The following DYTN variants were observed in gnomAD, a reference collection of about 807,000 sequenced individuals.
The protein encoded by DYTN is dystrotelin.
DYTN carries 75 observed loss-of-function variants against 69.6 expected under a neutral mutation model. That is an observed-to-expected ratio of 1.08 (90% confidence interval 0.89 to 1.31). DYTN has a LOEUF of 1.31. Among genes scored for constraint, DYTN ranks in the 50% most tolerant of loss-of-function variants. DYTN has a pLI of 0.00. For synonymous variants in DYTN, 252 were observed against 249.1 expected, an observed-to-expected ratio of 1.01 and a Z score of -0.11; for missense variants, 726 against 688.4, an observed-to-expected ratio of 1.05 and a Z score of -0.61.
At chr2:206,657,003 C>A (rs1004782572) in intron 11 of DYTN, among the ~76,000 whole-genome samples, 1 of 146,112 alleles carries the variant, frequency 6.8e-6, no homozygotes, top group African/African-American at 2.4e-5. Context: ...CTCAGGTGAT[C>A]CGCCCACCTC....
chr2:206,659,162 CTCTTT>C lies in DYTN; in HGVS notation c.1633+3736_1633+3740del, dbSNP rs1290280040. Among the ~76,000 whole-genome samples, 32 of 123,512 alleles carry C rather than the reference CTCTTT, an allele frequency of 2.6e-4. 1 individual carries two copies. The highest frequency in any genetic ancestry group is 3.8e-4 in the Non-Finnish European group (23 of 61,148). 81.0% of individuals were successfully genotyped at this position (123,512 alleles called of 152,430 possible). ...CTCTTTTCCGTTAAGTTCTCACAGT[CTCTTT>C]TTTTTTTTTTTTTTTTTTTTTTGAG... is the stretch of plus-strand genomic sequence containing the variant. On this transcript the variant is annotated intron_variant, in intron 11 of 11. Coordinates refer to ENST00000452335, the MANE Select transcript of DYTN (RefSeq NM_001093730.1).
At chr2:206,703,672 C>A (rs944258942) in intron 5 of DYTN, among the ~76,000 whole-genome samples, 2 of 152,102 alleles carry the variant, frequency 1.3e-5, no homozygotes, top group Non-Finnish European at 2.9e-5. Flanking sequence ...ATCCATACTC[C>A]CTGTCCTAGA....
rs1559317803 is a variant in DYTN at position 206,707,293 on chromosome 2, CACCCTCACCTGTTGT to C, written c.290_296+8del. The C allele has an allele frequency of 6.2e-7, 1 of 1,610,116 alleles. No homozygotes were observed. The highest frequency in any genetic ancestry group is 8.5e-7 in the Non-Finnish European group (1 of 1,178,432). On this transcript the variant is annotated splice_donor_variant and splice_donor_5th_base_variant and coding_sequence_variant and intron_variant, in exon 3 of 12. Transcript: ENST00000452335. LOFTEE classifies it high-confidence loss of function. ...CTTTGAGGTCACAGCGCGACGTCCA[CACCCTCACCTGTTGT>C]ACATTGTCGTGAGAAGGCTCAGAGT...
intron 2 of DYTN, among the ~76,000 whole-genome samples, chr2:206,708,109 A>G (rs1328593122): frequency 8.5e-5 from 13 of 152,212 alleles, no homozygotes. Context: ...TTCCATCAGT[A>G]TTATTATCTA....
At chr2:206,655,062 G>GA (rs899312765) in intron 11 of DYTN, among the ~76,000 whole-genome samples, 2 of 152,066 alleles carry the variant, frequency 1.3e-5, no homozygotes, top group Non-Finnish European at 2.9e-5. Context: ...TGATCTTAAA[G>GA]AAAAAAACTT....
In DYTN at chr2:206,700,246, A is replaced by G. The variant is rs533191592; in HGVS notation, c.484-30T>C. On this transcript the variant is annotated intron_variant, in intron 5 of 11. Coordinates refer to ENST00000452335, the MANE Select transcript of DYTN (RefSeq NM_001093730.1). ...AAGAGACAACCTCATCTTAGCTGTT[A>G]GAAAGTGGAGAAATATGTCGTCTCC... 21 of 1,611,768 alleles carry G rather than the reference A, an allele frequency of 1.3e-5. No individual in the cohort carries two copies. The South Asian group carries it at 2.2e-4, about 17-fold the overall frequency.
intron 2 of DYTN, among the ~76,000 whole-genome samples, chr2:206,709,441 C>A (rs558523221): frequency 2.8e-4 from 42 of 151,416 alleles, no homozygotes; most frequent in African/African-American, 9.7e-4. Flanking sequence ...AGAGTGAGAC[C>A]CCAGCTTACA....
intron 7 of DYTN, among the ~76,000 whole-genome samples, chr2:206,699,522 G>A (rs1559315530): frequency 6.6e-6 from 1 of 152,174 alleles, no homozygotes; most frequent in Non-Finnish European, 1.5e-5. Flanking sequence ...GTCAGTGGAA[G>A]AATTTAATAT....
chr2:206,694,872 C>A lies in DYTN; in HGVS notation c.725G>T (p.Arg242Leu), dbSNP rs183705947. 2.5e-6 allele frequency: 4 copies of A among 1,573,754 alleles called. No individual in the cohort carries two copies. The highest frequency in any genetic ancestry group is 3.4e-6 in the Non-Finnish European group (4 of 1,163,910). The change falls in exon 8 of 12, where the codon CGC (arginine) becomes CTC (leucine). Residue 242 changes from arginine to leucine, a missense_variant. By Grantham distance (102) the Arg-to-Leu change is moderately radical. Transcript: ENST00000452335. ...GTCAAAGTTGAGACACTTCAGACAG[C>A]GGTATCTGCCAGTTAAAATAGAAGC... ...RTFPITGLRYRCLKCLNFDIC... is the reference protein window; with the variant it reads ...RTFPITGLRYLCLKCLNFDIC...
chr2:206,699,879 T>A lies in DYTN; in HGVS notation c.567A>T (p.Pro189=), dbSNP rs773347431. 1.9e-5 allele frequency: 30 copies of A among 1,613,194 alleles called. No individual in the cohort carries two copies. Among genetic ancestry groups the A allele is most frequent in the Non-Finnish European group, 2.5e-5 (30 of 1,179,582 alleles). Residue 189 remains proline, a synonymous_variant, in exon 7 of 12, where the codon CCA becomes CCT. Coordinates refer to ENST00000452335, the MANE Select transcript of DYTN (RefSeq NM_001093730.1). ...ACAGGAATTTTTCTTCTTTGATTGCTGGGCTCAACACCTGAAAAACAATGG... is the reference window on the plus strand; with the variant it reads ...ACAGGAATTTTTCTTCTTTGATTGCAGGGCTCAACACCTGAAAAACAATGG... ...TRSCFQGVLS[P]AIKEEKFLSW... is the part of the protein sequence containing the mutation.
At chr2:206,704,214 T>G (rs1473348782) in intron 5 of DYTN, among the ~76,000 whole-genome samples, 1 of 152,110 alleles carries the variant, frequency 6.6e-6, no homozygotes, top group Admixed American at 6.6e-5. Flanking sequence ...CTACCATAAT[T>G]TGACAAGTGC....
intron 8 of DYTN, 72 bp from the exon 9 acceptor site, chr2:206,693,395 G>A (rs1368140693): frequency 1.3e-6 from 2 of 1,517,758 alleles, no homozygotes; most frequent in African/African-American, 1.4e-5. Context: ...TTACTTGGAT[G>A]GACTGGCCAC....
intron 9 of DYTN, among the ~76,000 whole-genome samples, chr2:206,683,200 A>T (rs34595192): frequency 0.059 from 8,998 of 152,232 alleles, 371 homozygotes; most frequent in Non-Finnish European, 0.079. Flanking sequence ...TTCTCAACAT[A>T]GCAACCAGAC....
At chr2:206,669,559 A>G (rs557286629) in intron 9 of DYTN, among the ~76,000 whole-genome samples, 1 of 152,358 alleles carries the variant, frequency 6.6e-6, no homozygotes, top group Non-Finnish European at 1.5e-5. Context: ...AATGCTGTAA[A>G]TAGTAGACAT....
intron 5 of DYTN, among the ~76,000 whole-genome samples, chr2:206,704,274 G>A (rs745696960): frequency 6.6e-6 from 1 of 152,170 alleles, no homozygotes; most frequent in Non-Finnish European, 1.5e-5. Flanking sequence ...GCAAGGAGGT[G>A]ACAAATGATT....
chr2:206,659,688 A>G (rs1484671088), intron 11 of DYTN, among the ~76,000 whole-genome samples: 1 of 152,104 alleles, frequency 6.6e-6, no homozygotes, highest in Non-Finnish European at 1.5e-5. Context: ...GTATGCATAG[A>G]TTATGTTTAA....
At chr2:206,701,032 T>C (rs1416353178) in intron 5 of DYTN, 1 of 152,222 alleles carries the variant, frequency 6.6e-6, no homozygotes, top group African/African-American at 2.4e-5. Context: ...TTGGGTTTGT[T>C]CCAAGTCCTT....
intron 5 of DYTN, among the ~76,000 whole-genome samples, chr2:206,703,617 T>C (rs1172967916): frequency 2.6e-5 from 4 of 152,224 alleles, no homozygotes; most frequent in Non-Finnish European, 5.9e-5. Flanking sequence ...AATATTAATA[T>C]TGAAACCAAA....
At chr2:206,676,249 TA>T (rs1699685419) in intron 9 of DYTN, among the ~76,000 whole-genome samples, 1 of 152,086 alleles carries the variant, frequency 6.6e-6, no homozygotes, top group African/African-American at 2.4e-5. Context: ...TATGCAGTCA[TA>T]AAAAAGAATG....
Sources: gnomAD v4.1 joint callset for allele counts (sites outside exome capture counted in the v4.1 genomes callset) on GRCh38, gnomAD v4.1.1 for gene constraint, MANE v1.5 for transcripts, NCBI Gene and HGNC (gene_info 2026-07-23, HGNC 2026-07-21) for gene names.